IL12RB1: variants seen among roughly 807,000 people sequenced by gnomAD.
The protein encoded by IL12RB1 is interleukin 12 receptor subunit beta 1.
In IL12RB1, 64 loss-of-function variants were observed where a neutral mutation model predicts 94.4. The observed-to-expected ratio is 0.68, with a 90% CI of 0.55 to 0.83. The LOEUF is 0.83. IL12RB1 is among the 40% of genes least tolerant of loss of function. IL12RB1 has a pLI of 0.00. For missense variants in IL12RB1, 814 were observed against 855.6 expected (o/e 0.95, Z 0.61); for synonymous variants, 362 against 355.5 (o/e 1.02, Z -0.21).
upstream of IL12RB1, among the ~76,000 whole-genome samples, chr19:18,087,690 ATT>A (rs547633448): frequency 3.8e-5 from 5 of 130,034 alleles, no homozygotes; most frequent in African/African-American, 1.2e-4. Context: ...TAATTTTTGC[ATT>A]TTTTTTTTTT....
intron 10 of IL12RB1, among the ~76,000 whole-genome samples, chr19:18,068,842 G>C (rs983249026): frequency 6.6e-6 from 1 of 151,088 alleles, no homozygotes; most frequent in Non-Finnish European, 1.5e-5. Context: ...CCTGCCTCCC[G>C]GGTTCAAGCG....
intron 1 of IL12RB1, among the ~76,000 whole-genome samples, chr19:18,093,447 T>C (rs1038601340): frequency 1.6e-4 from 25 of 152,042 alleles, no homozygotes; most frequent in Admixed American, 1.3e-4. Context: ...TAAGCACTCC[T>C]TCTTGCCCAC....
At position 18,068,370 on chromosome 19, in the gene IL12RB1, G is replaced by A; in HGVS notation, c.1327+19C>T. 1 of 1,583,414 alleles carries A rather than the reference G, an allele frequency of 6.3e-7. No individual in the cohort carries two copies. The highest frequency in any genetic ancestry group is 8.6e-7 in the Non-Finnish European group (1 of 1,164,028). ...TAAAAAGAAAAAATAATGTAAACCT[G>A]CAGGTTTGGGTCACTTACCATTGCC... On this transcript the variant is annotated intron_variant, in intron 11 of 16. Transcript: ENST00000593993.
At chr19:18,098,764 A>G (rs760647100) in exon 1 of IL12RB1, 48 of 456,566 alleles carry the variant, frequency 1.1e-4, no homozygotes, top group Non-Finnish European at 1.9e-4. Flanking sequence ...CCCAACGAAC[A>G]TTTATGGAGC....
At chr19:18,078,884 A>G (rs1322941666) in intron 4 of IL12RB1, among the ~76,000 whole-genome samples, 1 of 152,012 alleles carries the variant, frequency 6.6e-6, no homozygotes. Context: ...TCCATAGTGA[A>G]ATGATTACTA....
rs146978336 is a variant in IL12RB1, at chr19:18,083,454, C to T, written c.102G>A (p.Pro34=). 9.3e-3 allele frequency: 14,992 copies of T among 1,613,896 alleles called. 89 individuals carry two copies. Among genetic ancestry groups the T allele is most frequent in the Non-Finnish European group, 0.011 (13,030 of 1,179,914 alleles). ...AACCTGAGTCTGCATCCGGATATGG[C>T]GGGTCCTGAAAACAGCACTCACTGG... ...CRTSECCFQD[P]PYPDADSGSA... The change falls in exon 2 of 17, where the codon CCG becomes CCA. Residue 34 remains proline (P), a synonymous_variant. Coordinates refer to ENST00000593993, the MANE Select transcript of IL12RB1 (RefSeq NM_005535.3).
chr19:18,068,296 G>A (rs1281138368), intron 11 of IL12RB1, 93 bp downstream of exon 11: 4 of 1,054,662 alleles, frequency 3.8e-6, no homozygotes, highest in Non-Finnish European at 5.4e-6. Context: ...AAAGTGCTGG[G>A]ATTACATGCG....
At chr19:18,066,492 GC>G in intron 12 of IL12RB1, 49 bp downstream of exon 12, 1 of 1,341,656 alleles carries the variant, frequency 7.5e-7, no homozygotes, top group Non-Finnish European at 1.1e-6. Flanking sequence ...GAGATCACAG[GC>G]CAGGATCCTC....
Position 18,093,342 on chromosome 19 carries a change from A to ATATATATATATATATATT in IL12RB1, c.-229-2574_-229-2573insAATATATATATATATATA, listed in dbSNP as rs770713233. ...AACAAAAAAACACAAATATATATAT[A>ATATATATATATATATATT]TATATACTTGTGTGTGTGCGTGTGT... On this transcript the variant is annotated intron_variant, in intron 1 of 4. Transcript: ENST00000594176. Among the ~76,000 whole-genome samples the ATATATATATATATATATT allele has an allele frequency of 2.8e-3, 415 of 149,818 alleles. 2 individuals are homozygous for ATATATATATATATATATT. The highest frequency in any genetic ancestry group is 9.8e-3 in the African/African-American group (394 of 40,230).
At chr19:18,061,306 C>G in intron 14 of IL12RB1, 109 bp from the exon 15 acceptor site, 1 of 598,964 alleles carries the variant, frequency 1.7e-6, no homozygotes, top group South Asian at 2.2e-5. Context: ...TCTCGGCTCA[C>G]TGCAACCTCT....
intron 7 of IL12RB1, 61 bp from the exon 8 acceptor site, chr19:18,073,660 T>C (rs764315615): frequency 1.0e-5 from 10 of 983,220 alleles, no homozygotes; most frequent in African/African-American, 1.6e-5. Context: ...ATGGATGTTT[T>C]CTTTGTAAAT....
upstream of IL12RB1, among the ~76,000 whole-genome samples, chr19:18,087,929 C>T (rs2036447057): frequency 6.6e-6 from 1 of 152,110 alleles, no homozygotes; most frequent in Non-Finnish European, 1.5e-5. Flanking sequence ...TTGCAGCATG[C>T]TGGCCCTCCA....
intron 15 of IL12RB1, 86 bp downstream of exon 15, chr19:18,061,036 G>A (rs760164026): frequency 5.2e-6 from 4 of 768,444 alleles, no homozygotes; most frequent in Admixed American, 2.0e-5. Context: ...TGATGAATTG[G>A]GAGAGAATAA....
intron 12 of IL12RB1, 124 bp from the exon 13 acceptor site, chr19:18,064,134 C>CTTTTTTTTTTTT (rs202141133): frequency 2.6e-6 from 1 of 379,416 alleles, no homozygotes; most frequent in Non-Finnish European, 4.9e-6. Flanking sequence ...TCTACTCTTT[C>CTTTTTTTTTTTT]TTTCTTTTTT....
rs2033979131 is a variant in IL12RB1, at chr19:18,059,699, G to T, written c.1984-86C>A. Reference sequence around the variant, plus strand: ...TCATGTGAGTGGATGGAATGGGCTGGGTATGCCATAAGTGCTTAATAACCA... The same window carrying T: ...TCATGTGAGTGGATGGAATGGGCTGTGTATGCCATAAGTGCTTAATAACCA... On this transcript the variant is annotated intron_variant, in intron 16 of 16. Coordinates refer to ENST00000593993, the MANE Select transcript of IL12RB1 (RefSeq NM_005535.3). The T allele has an allele frequency of 7.8e-6, 6 of 771,014 alleles. No homozygotes were observed. The South Asian group carries it at 8.2e-5, about 11-fold the overall frequency. 47.8% of individuals were successfully genotyped at this position (771,014 alleles called of 1,614,324 possible).
intron 13 of IL12RB1, among the ~76,000 whole-genome samples, chr19:18,063,181 G>T (rs2034308658): frequency 7.7e-6 from 1 of 129,376 alleles, no homozygotes; most frequent in Non-Finnish European, 1.5e-5. Context: ...CTGCAACCTT[G>T]AACTCCTGGT....
At chr19:18,083,080 C>G in intron 2 of IL12RB1, 1 of 394,336 alleles carries the variant, frequency 2.5e-6, no homozygotes, top group South Asian at 2.2e-5. Context: ...AAGACTCCGT[C>G]TCAAAAATAA....
intron 3 of IL12RB1, 85 bp downstream of exon 3, chr19:18,082,065 G>T: frequency 1.3e-6 from 1 of 795,606 alleles, no homozygotes; most frequent in Non-Finnish European, 2.2e-6. Context: ...CCAAGATCAC[G>T]CATCCGAGAG....
chr19:18,079,770 G>T (rs1242015963), intron 4 of IL12RB1, among the ~76,000 whole-genome samples: 1 of 152,014 alleles, frequency 6.6e-6, no homozygotes, highest in African/African-American at 2.4e-5. Flanking sequence ...GGTGGCGGGC[G>T]CCTGTAGTCC....
Sources: gnomAD v4.1 joint callset for allele counts (sites outside exome capture counted in the v4.1 genomes callset) on GRCh38, gnomAD v4.1.1 for gene constraint, MANE v1.5 for transcripts, NCBI Gene and HGNC (gene_info 2026-07-23, HGNC 2026-07-21) for gene names.